PTPN3: variants seen among roughly 807,000 people sequenced by gnomAD.
PTPN3 encodes tyrosine-protein phosphatase non-receptor type 3.
PTPN3 carries 96 observed loss-of-function variants against 132.7 expected under a neutral mutation model. The ratio of observed to expected loss-of-function variants is 0.72; its 90% confidence interval spans 0.61 to 0.86. The LOEUF is 0.86. PTPN3 is among the 40% of genes least tolerant of loss of function. PTPN3 has a pLI of 0.00. For synonymous variants in PTPN3, 398 were observed against 429.0 expected, an observed-to-expected ratio of 0.93 and a Z score of 0.89; for missense variants, 1,125 against 1,159.6, an observed-to-expected ratio of 0.97 and a Z score of 0.43.
upstream of PTPN3, chr9:109,498,351 C>T (rs1392900406): frequency 5.5e-5 from 8 of 146,422 alleles, no homozygotes; most frequent in East Asian, 5.9e-4. The surrounding 1 kb of genome is among the most constrained non-coding windows in gnomAD (Gnocchi z 4.2). Flanking sequence ...GCCGGCCGGG[C>T]TGGCCGCGAC....
intron 5 of PTPN3, chr9:109,450,491 G>A: frequency 1.0e-6 from 1 of 984,390 alleles, no homozygotes; most frequent in Non-Finnish European, 1.2e-6. Context: ...TAAACGTGGA[G>A]ATCACCACTC....
intron 5 of PTPN3, chr9:109,451,329 C>T (rs1274397754): frequency 5.1e-6 from 5 of 978,718 alleles, no homozygotes; most frequent in Non-Finnish European, 6.1e-6. Context: ...AAATCTGGTG[C>T]CCAAATCCCA....
the PTPN3 span, chr9:109,534,296 C>A: frequency 6.5e-7 from 1 of 1,532,018 alleles, no homozygotes; most frequent in African/African-American, 1.4e-5. Context: ...GAGCGGCAAG[C>A]GGCGGGCGGC....
intron 11 of PTPN3, among the ~76,000 whole-genome samples, 188 bp downstream of exon 11, chr9:109,428,433 C>A (rs905030397): frequency 9.2e-5 from 14 of 152,176 alleles, no homozygotes; most frequent in Admixed American, 7.9e-4. Flanking sequence ...CCTTAAAGAA[C>A]TAAAAGCTGA....
At chr9:109,410,180 C>T (rs181552764) in intron 15 of PTPN3, 49 bp downstream of exon 15, 16 of 1,610,746 alleles carry the variant, frequency 9.9e-6, no homozygotes, top group Non-Finnish European at 8.5e-7. Context: ...CCACAAGAGG[C>T]CGGGAAGCCC....
the PTPN3 span, among the ~76,000 whole-genome samples, chr9:109,511,882 GGA>G: frequency 6.6e-6 from 1 of 152,134 alleles, no homozygotes; most frequent in Admixed American, 6.5e-5. Context: ...TGTCTTTAGG[GGA>G]GAGACATTGT....
chr9:109,381,694 G>T lies in PTPN3; in HGVS notation c.2622C>A (p.Val874=). 1 of 1,614,194 alleles carries T rather than the reference G, an allele frequency of 6.2e-7. No individual in the cohort carries two copies. The highest frequency in any genetic ancestry group is 8.5e-7 in the Non-Finnish European group (1 of 1,179,996). ...TGGCGCGCTGGTCTCGCATTTTTCG[G>T]ACAATATCCAGTGGGTAAATGGGCA... ...RNLPIYPLDI[V]RKMRDQRAMM... The change falls in exon 25 of 26, where the codon GTC becomes GTA. Residue 874 remains valine (V), a synonymous_variant. Coordinates refer to ENST00000374541, the MANE Select transcript of PTPN3 (RefSeq NM_002829.4).
At chr9:109,483,017 GAA>G (rs35525423) in intron 1 of PTPN3, among the ~76,000 whole-genome samples, 1 of 152,234 alleles carries the variant, frequency 6.6e-6, no homozygotes, top group Non-Finnish European at 1.5e-5. Context: ...TGCACAGGGA[GAA>G]AAGTCTTGAT....
At chr9:109,533,577 G>A in the PTPN3 span, 1 of 1,591,598 alleles carries the variant, frequency 6.3e-7, no homozygotes, top group South Asian at 1.1e-5. Flanking sequence ...GGCTGTCTTT[G>A]GCGAGGAGGG....
the PTPN3 span, among the ~76,000 whole-genome samples, chr9:109,521,987 T>TAGAGAGGCTC: frequency 2.0e-5 from 3 of 151,636 alleles, no homozygotes; most frequent in Non-Finnish European, 4.4e-5. Context: ...AACCGAGGCT[T>TAGAGAGGCTC]AGAGAGGCTA....
At chr9:109,470,150 G>C (rs974594496) in intron 1 of PTPN3, among the ~76,000 whole-genome samples, 1 of 151,940 alleles carries the variant, frequency 6.6e-6, no homozygotes, top group African/African-American at 2.4e-5. Context: ...CCTAGACAAT[G>C]ATTCATCAAA....
At chr9:109,535,391 T>G in the PTPN3 span, among the ~76,000 whole-genome samples, 1 of 152,198 alleles carries the variant, frequency 6.6e-6, no homozygotes, top group Non-Finnish European at 1.5e-5. Flanking sequence ...TGCTTAAAAA[T>G]CCTTACTAGC....
the PTPN3 span, among the ~76,000 whole-genome samples, chr9:109,519,241 G>A: frequency 3.3e-5 from 5 of 152,304 alleles, no homozygotes; most frequent in East Asian, 9.7e-4. Flanking sequence ...TTACAGTGGT[G>A]TGAAAGCAAT....
the PTPN3 span, among the ~76,000 whole-genome samples, chr9:109,531,399 A>G: frequency 1.3e-5 from 2 of 152,150 alleles, no homozygotes; most frequent in Admixed American, 6.5e-5. Flanking sequence ...GATGGCCTTG[A>G]TCTTATTAAC....
rs112663298 is a variant in PTPN3, at chr9:109,424,538, C to T, written c.1002-1686G>A. Among the ~76,000 whole-genome samples, 1,196 of 152,352 alleles carry T rather than the reference C, an allele frequency of 7.9e-3. 14 individuals carry two copies. Among genetic ancestry groups the T allele is most frequent in the African/African-American group, 0.027 (1,130 of 41,586 alleles). ...AGGTCTCACCCTTAAGAAGGCTGAA[C>T]GGTTCTGCCTTTCGCTCCTGGAACC... On this transcript the variant is annotated intron_variant, in intron 12 of 25. Coordinates refer to ENST00000374541, the MANE Select transcript of PTPN3 (RefSeq NM_002829.4).
chr9:109,383,140 C>T (rs1185885142), intron 23 of PTPN3, among the ~76,000 whole-genome samples: 2 of 152,188 alleles, frequency 1.3e-5, no homozygotes, highest in African/African-American at 4.8e-5. Flanking sequence ...TCAGAATCTC[C>T]TTCCTTTTAA....
At chr9:109,446,959 T>C (rs1179796787) in intron 6 of PTPN3, among the ~76,000 whole-genome samples, 2 of 152,174 alleles carry the variant, frequency 1.3e-5, no homozygotes, top group African/African-American at 4.8e-5. Context: ...TCGGGACAAT[T>C]TGACACCTAG....
chr9:109,438,572 A>G (rs992178519), intron 7 of PTPN3, among the ~76,000 whole-genome samples: 2 of 152,234 alleles, frequency 1.3e-5, no homozygotes, highest in Non-Finnish European at 2.9e-5. Context: ...GTTTGCACTC[A>G]TGCCACTGGA....
intron 1 of PTPN3, among the ~76,000 whole-genome samples, chr9:109,492,118 G>A (rs538018717): frequency 9.9e-5 from 15 of 152,246 alleles, no homozygotes; most frequent in African/African-American, 3.4e-4. Flanking sequence ...GGACTCGGGG[G>A]AGCCAGTGGG....
Sources: allele counts gnomAD v4.1 joint callset (sites outside exome capture counted in the v4.1 genomes callset), GRCh38; gene constraint gnomAD v4.1.1; non-coding constraint Gnocchi (gnomAD v3.1); transcripts MANE v1.5; gene names NCBI Gene and HGNC (gene_info 2026-07-23, HGNC 2026-07-21).